VWA3B: variants seen among roughly 807,000 people sequenced by gnomAD.
VWA3B encodes the protein von Willebrand factor A domain-containing protein 3B.
In VWA3B, 138 loss-of-function variants were observed where a neutral mutation model predicts 158.3. The observed-to-expected ratio is 0.87, with a 90% CI of 0.76 to 1.00. VWA3B has a LOEUF of 1.00. VWA3B is among the 50% of genes least tolerant of loss of function. VWA3B has a pLI of 0.00. For missense variants in VWA3B, 1,555 were observed against 1,565.1 expected (o/e 0.99, Z 0.11); for synonymous variants, 596 against 587.3 (o/e 1.01, Z -0.21).
At chr2:98,234,848 T>C in intron 17 of VWA3B, 81 bp downstream of exon 17, 2 of 1,572,162 alleles carry the variant, frequency 1.3e-6, no homozygotes, top group Non-Finnish European at 1.7e-6. Context: ...CGTGTAGATA[T>C]GTTGGGGAAA....
chr2:98,179,814 CTTTCTTTCTT>C (rs1680365854), intron 8 of VWA3B, among the ~76,000 whole-genome samples: 1 of 111,614 alleles, frequency 9.0e-6, no homozygotes, highest in Non-Finnish European at 1.7e-5. Flanking sequence ...TTCTTTCTTT[CTTTCTTTCTT>C]TCTTTTTCTT....
At chr2:98,202,744 T>G (rs1682665798) in intron 12 of VWA3B, among the ~76,000 whole-genome samples, 1 of 152,328 alleles carries the variant, frequency 6.6e-6, no homozygotes, top group East Asian at 1.9e-4. Flanking sequence ...TCTAGAAGTT[T>G]TATAATTTTG....
At chr2:98,156,105 C>T (rs1354311124) in intron 7 of VWA3B, among the ~76,000 whole-genome samples, 4 of 152,138 alleles carry the variant, frequency 2.6e-5, no homozygotes, top group African/African-American at 7.2e-5. Flanking sequence ...GTTCTGAGGA[C>T]CACACTCTGG....
At chr2:98,218,780 T>G (rs781074632) in intron 14 of VWA3B, among the ~76,000 whole-genome samples, 3 of 152,192 alleles carry the variant, frequency 2.0e-5, no homozygotes, top group Non-Finnish European at 4.4e-5. Flanking sequence ...GATCAGTGCT[T>G]CATGTGAGTG....
At chr2:98,186,761 G>C (rs1681099289) in intron 9 of VWA3B, among the ~76,000 whole-genome samples, 1 of 151,774 alleles carries the variant, frequency 6.6e-6, no homozygotes, top group Non-Finnish European at 1.5e-5. Context: ...TCTGCCCTTG[G>C]TCCTCGGCCG....
At chr2:98,306,664 C>A (rs997953407) in intron 26 of VWA3B, among the ~76,000 whole-genome samples, 1 of 152,060 alleles carries the variant, frequency 6.6e-6, no homozygotes, top group African/African-American at 2.4e-5. Context: ...TAAGTATTAC[C>A]CATTTTCACC....
chr2:98,197,595 C>T (rs1035216019), intron 12 of VWA3B, among the ~76,000 whole-genome samples: 1 of 152,074 alleles, frequency 6.6e-6, no homozygotes, highest in Non-Finnish European at 1.5e-5. Flanking sequence ...TTCCCTTTCC[C>T]CCTTTTACTT....
At chr2:98,185,240 C>T (rs1236108315) in intron 9 of VWA3B, among the ~76,000 whole-genome samples, 2 of 152,180 alleles carry the variant, frequency 1.3e-5, no homozygotes, top group African/African-American at 4.8e-5. Context: ...CTGTCTCCTC[C>T]ACCAGGATAT....
chr2:98,289,845 T>C (rs574579817), intron 22 of VWA3B, among the ~76,000 whole-genome samples: 1 of 152,350 alleles, frequency 6.6e-6, no homozygotes, highest in South Asian at 2.1e-4. Flanking sequence ...ATGTAATTTT[T>C]CTTTATTTTC....
chr2:98,243,212 G>C (rs1686190538), intron 19 of VWA3B, among the ~76,000 whole-genome samples: 1 of 151,826 alleles, frequency 6.6e-6, no homozygotes, highest in Non-Finnish European at 1.5e-5. Context: ...GTTCCATGCT[G>C]GCATATACTT....
At chr2:98,296,803 C>T (rs370613135) in intron 23 of VWA3B, among the ~76,000 whole-genome samples, 2 of 152,090 alleles carry the variant, frequency 1.3e-5, no homozygotes, top group Admixed American at 6.5e-5. Context: ...AATTTCAAGT[C>T]GGATAAATTA....
chr2:98,135,983 G>T (rs1676252509), intron 7 of VWA3B, among the ~76,000 whole-genome samples: 2 of 149,356 alleles, frequency 1.3e-5, no homozygotes, highest in South Asian at 2.1e-4. Context: ...CTCGTTTGGT[G>T]GGGGAGTGAC....
intron 20 of VWA3B, among the ~76,000 whole-genome samples, chr2:98,255,264 T>G (rs1353709742): frequency 7.9e-6 from 1 of 127,116 alleles, no homozygotes; most frequent in Non-Finnish European, 1.6e-5. Context: ...ACTCCTGACC[T>G]CAGGTGATCC....
chr2:98,266,991 A>G (rs1687880827), intron 21 of VWA3B, among the ~76,000 whole-genome samples: 1 of 151,424 alleles, frequency 6.6e-6, no homozygotes, highest in Non-Finnish European at 1.5e-5. Context: ...GTCGTCTGCA[A>G]ACAGGGACAA....
chr2:98,189,384 C>T (rs1166305656), intron 10 of VWA3B, among the ~76,000 whole-genome samples: 1 of 152,140 alleles, frequency 6.6e-6, no homozygotes, highest in Non-Finnish European at 1.5e-5. Flanking sequence ...GGTGACAGTG[C>T]GATTGTGTTG....
chr2:98,090,169 TG>T (rs959553259), intron 1 of VWA3B, among the ~76,000 whole-genome samples: 104 of 152,344 alleles, frequency 6.8e-4, no homozygotes, highest in African/African-American at 2.4e-3. Context: ...TCTTGTTTCT[TG>T]GAACAACTGA....
chr2:98,090,888 T>C (rs1329986965), intron 1 of VWA3B, among the ~76,000 whole-genome samples: 1 of 151,088 alleles, frequency 6.6e-6, no homozygotes, highest in Non-Finnish European at 1.5e-5. Context: ...CTCGAGTAGC[T>C]GGGACTACAG....
At position 98,091,819 on chromosome 2, in the gene VWA3B, G is replaced by T. The variant is rs566262109; in HGVS notation, c.-32-1242G>T. Reference sequence around the variant, plus strand: ...ATTGTTAAAAAGTTTTACAATTCAGGGTATCAGTTTACATGCATTGTGAAT... The same window carrying T: ...ATTGTTAAAAAGTTTTACAATTCAGTGTATCAGTTTACATGCATTGTGAAT... On this transcript the variant is annotated intron_variant, in intron 1 of 27. Transcript: ENST00000477737. Among the ~76,000 whole-genome samples, 12 of 152,190 alleles carry T rather than the reference G, an allele frequency of 7.9e-5. No homozygotes were observed. The East Asian group carries it at 2.1e-3, about 27-fold the overall frequency.
At chr2:98,300,805 C>A (rs974292477) in intron 25 of VWA3B, among the ~76,000 whole-genome samples, 13 of 151,716 alleles carry the variant, frequency 8.6e-5, no homozygotes, top group African/African-American at 3.1e-4. Flanking sequence ...TCAGACTCCG[C>A]AAGCCAGTGC....
Sources: allele counts gnomAD v4.1 joint callset (sites outside exome capture counted in the v4.1 genomes callset), GRCh38; gene constraint gnomAD v4.1.1; transcripts MANE v1.5; gene names NCBI Gene and HGNC (gene_info 2026-07-23, HGNC 2026-07-21).